PRTFDC1: variants seen among roughly 807,000 people sequenced by gnomAD.
PRTFDC1 encodes the protein phosphoribosyltransferase domain-containing protein 1.
Under a neutral mutation model 34.6 loss-of-function variants are expected in PRTFDC1, and 38 were observed. The observed-to-expected ratio is 1.10, with a 90% CI of 0.85 to 1.44. The LOEUF (loss-of-function observed/expected upper bound fraction) is 1.44, where lower values mean the gene tolerates loss of function less well. Among genes scored for constraint, PRTFDC1 ranks in the 40% most tolerant of loss-of-function variants. The pLI, the probability that PRTFDC1 is intolerant of heterozygous loss-of-function variation, is 0.00. For synonymous variants in PRTFDC1, 93 were observed against 98.1 expected (o/e 0.95, Z 0.31); for missense variants, 270 against 283.0 (o/e 0.95, Z 0.33).
intron 3 of PRTFDC1, among the ~76,000 whole-genome samples, chr10:24,935,916 A>T (rs976306777): frequency 2.6e-5 from 4 of 152,006 alleles, no homozygotes; most frequent in African/African-American, 9.7e-5. Flanking sequence ...GATCTTGAAA[A>T]CCTCAGATGA....
intron 7 of PRTFDC1, among the ~76,000 whole-genome samples, chr10:24,852,296 A>G (rs2132485190): frequency 6.6e-6 from 1 of 152,066 alleles, no homozygotes; most frequent in Middle Eastern, 3.4e-3. Context: ...GGGAAGACAG[A>G]CGTGTGCCAC....
At chr10:24,941,770 G>A (rs1177535000) in intron 2 of PRTFDC1, among the ~76,000 whole-genome samples, 1 of 152,088 alleles carries the variant, frequency 6.6e-6, no homozygotes, top group Non-Finnish European at 1.5e-5. Flanking sequence ...TTCCCAAACT[G>A]GTATTAAGGG....
chr10:24,877,990 C>A (rs866016273), intron 3 of PRTFDC1, among the ~76,000 whole-genome samples: 1 of 152,026 alleles, frequency 6.6e-6, no homozygotes. Context: ...AAGAAACTTT[C>A]CCAAAGAGAG....
intron 3 of PRTFDC1, among the ~76,000 whole-genome samples, chr10:24,882,533 C>T (rs990657166): frequency 2.0e-5 from 3 of 152,206 alleles, no homozygotes; most frequent in African/African-American, 7.2e-5. Context: ...CTTCCCCACC[C>T]ACTTTAGCCA....
intron 3 of PRTFDC1, among the ~76,000 whole-genome samples, chr10:24,903,203 T>A (rs955112839): frequency 2.0e-5 from 3 of 152,024 alleles, no homozygotes; most frequent in African/African-American, 4.8e-5. Flanking sequence ...TGAAACTGCA[T>A]CTCAAGAAAA....
At chr10:24,928,634 G>A (rs1848918612) in intron 3 of PRTFDC1, among the ~76,000 whole-genome samples, 2 of 152,080 alleles carry the variant, frequency 1.3e-5, no homozygotes, top group South Asian at 4.1e-4. Context: ...AGTAGAGATG[G>A]GGTTTCACCA....
intron 3 of PRTFDC1, among the ~76,000 whole-genome samples, chr10:24,886,966 T>C (rs1436409543): frequency 1.5e-5 from 2 of 136,654 alleles, no homozygotes; most frequent in African/African-American, 5.5e-5. Context: ...CTTTTTTTTT[T>C]TTTTTTTTTT....
intron 1 of PRTFDC1, among the ~76,000 whole-genome samples, chr10:24,945,895 C>T (rs781486746): frequency 9.9e-5 from 15 of 152,204 alleles, no homozygotes; most frequent in Non-Finnish European, 1.6e-4. Context: ...ACCTCTAACA[C>T]TACAGCAGCT....
At position 24,908,797 on chromosome 10, in the gene PRTFDC1, G is replaced by T. The variant is rs1197817760; in HGVS notation, c.339+28387C>A. 3 of 1,414,482 alleles carry T rather than the reference G, an allele frequency of 2.1e-6. No individual in the cohort carries two copies. The Admixed American group carries it at 7.9e-5, about 37-fold the overall frequency. 87.6% of individuals were successfully genotyped at this position (1,414,482 alleles called of 1,614,324 possible). On this transcript the variant is annotated intron_variant, in intron 3 of 8. Coordinates refer to ENST00000320152, the MANE Select transcript of PRTFDC1 (RefSeq NM_020200.7). ...AATGGGGTGACTGATGCCACAGCCA[G>T]ATAGCCCTCACATCCCCCTTTTCCA...
intron 3 of PRTFDC1, among the ~76,000 whole-genome samples, chr10:24,892,464 T>A (rs1352753168): frequency 4.6e-5 from 7 of 151,824 alleles, no homozygotes; most frequent in Non-Finnish European, 1.5e-5. Context: ...TGGTATCCCA[T>A]CTGGTTTTGA....
chr10:24,864,314 AT>A (rs1847737785), intron 4 of PRTFDC1, among the ~76,000 whole-genome samples: 2 of 152,220 alleles, frequency 1.3e-5, no homozygotes, highest in African/African-American at 2.4e-5. Flanking sequence ...ATTAACTTCA[AT>A]TTTGAAAGAA....
Position 24,892,324 on chromosome 10 carries a change from A to G in PRTFDC1, c.340-20261T>C, listed in dbSNP as rs112055493. On this transcript the variant is annotated intron_variant, in intron 3 of 8. Coordinates refer to ENST00000320152, the MANE Select transcript of PRTFDC1 (RefSeq NM_020200.7). ...TTTTAATTTTTTGAGGAACCCCCATACTGTTCGCCATAGTAGCTATGCTAC... is the reference window on the plus strand; with the variant it reads ...TTTTAATTTTTTGAGGAACCCCCATGCTGTTCGCCATAGTAGCTATGCTAC... 3.9e-3 allele frequency among the ~76,000 whole-genome samples: 599 copies of G among 152,140 alleles called. 5 individuals are homozygous for G. Among genetic ancestry groups the G allele is most frequent in the African/African-American group, 0.014 (577 of 41,496 alleles).
intron 3 of PRTFDC1, among the ~76,000 whole-genome samples, chr10:24,890,508 T>C (rs1848241659): frequency 6.6e-6 from 1 of 152,186 alleles, no homozygotes. Flanking sequence ...ACATAAAACA[T>C]CTACTCTTCT....
intron 3 of PRTFDC1, among the ~76,000 whole-genome samples, chr10:24,877,308 A>G (rs895574281): frequency 1.3e-5 from 2 of 151,928 alleles, no homozygotes; most frequent in African/African-American, 4.8e-5. Flanking sequence ...CGTTGGGATT[A>G]TGGCCGTGAG....
At chr10:24,944,779 T>C (rs1281744958) in intron 1 of PRTFDC1, among the ~76,000 whole-genome samples, 1 of 152,072 alleles carries the variant, frequency 6.6e-6, no homozygotes, top group Non-Finnish European at 1.5e-5. Context: ...CAAGACCTTG[T>C]CTCTCGAAAA....
intron 2 of PRTFDC1, among the ~76,000 whole-genome samples, chr10:24,937,871 T>C (rs1849080669): frequency 1.3e-5 from 2 of 152,086 alleles, no homozygotes; most frequent in Non-Finnish European, 2.9e-5. Flanking sequence ...TTTACTGAAT[T>C]CTAAAGAAGA....
At chr10:24,950,053 C>G (rs926392913) in intron 1 of PRTFDC1, among the ~76,000 whole-genome samples, 3 of 152,078 alleles carry the variant, frequency 2.0e-5, no homozygotes, top group Non-Finnish European at 2.9e-5. Flanking sequence ...CTTGATACCC[C>G]TCTCACTACC....
chr10:24,885,367 T>C (rs957500190), intron 3 of PRTFDC1, among the ~76,000 whole-genome samples: 5 of 152,202 alleles, frequency 3.3e-5, no homozygotes, highest in African/African-American at 1.2e-4. Flanking sequence ...CCAAATGAGT[T>C]GAAAACTTAT....
At chr10:24,869,112 T>A (rs1847835570) in intron 4 of PRTFDC1, among the ~76,000 whole-genome samples, 3 of 152,186 alleles carry the variant, frequency 2.0e-5, no homozygotes, top group Admixed American at 2.0e-4. Flanking sequence ...TACATTGCCA[T>A]TGAATAGTGG....
Sources: gnomAD v4.1 joint callset for allele counts (sites outside exome capture counted in the v4.1 genomes callset) on GRCh38, gnomAD v4.1.1 for gene constraint, MANE v1.5 for transcripts, NCBI Gene and HGNC (gene_info 2026-07-23, HGNC 2026-07-21) for gene names.